LSAMP: variants seen among roughly 807,000 people sequenced by gnomAD.
LSAMP encodes the protein limbic system associated membrane protein.
Under a neutral mutation model 38.6 loss-of-function variants are expected in LSAMP, and 7 were observed. That is an observed-to-expected ratio of 0.18 (90% CI 0.10 to 0.34). The LOEUF (loss-of-function observed/expected upper bound fraction) is 0.34, where lower values mean the gene tolerates loss of function less well. Among genes scored for constraint, LSAMP ranks in the 10% least tolerant of loss-of-function variants. The pLI is 1.00. For missense variants in LSAMP, 313 were observed against 420.0 expected (o/e 0.75, Z 2.23); for synonymous variants, 154 against 166.8 (o/e 0.92, Z 0.59).
At chr3:115,901,512 C>T (rs1936873499) in intron 3 of LSAMP, among the ~76,000 whole-genome samples, 1 of 152,104 alleles carries the variant, frequency 6.6e-6, no homozygotes, top group African/African-American at 2.4e-5. Flanking sequence ...TGTCAAAACC[C>T]AACTTTTTGT....
At chr3:116,112,889 A>G (rs1279961091) in intron 1 of LSAMP, among the ~76,000 whole-genome samples, 3 of 152,198 alleles carry the variant, frequency 2.0e-5, no homozygotes. Context: ...TAATCCCTGA[A>G]AATTCTGTGG....
chr3:116,412,853 A>C (rs2048998163), intron 1 of LSAMP, among the ~76,000 whole-genome samples: 1 of 152,112 alleles, frequency 6.6e-6, no homozygotes, highest in African/African-American at 2.4e-5. Flanking sequence ...AGTATTGGAA[A>C]GAAAGCAGAC....
rs369368425 is a variant in LSAMP at position 116,006,256 on chromosome 3, TC to T, written c.514+13258del. Among the ~76,000 whole-genome samples the T allele has an allele frequency of 4.5e-4, 69 of 152,172 alleles. No homozygotes were observed. In the South Asian group the frequency reaches 4.6e-3, roughly 10 times the overall value. ...TAAGAGGGGACACCAGAGAGTTTGCTCACTGTCTCCACACACACGCAGAAGT... is the reference window on the plus strand; with the variant it reads ...TAAGAGGGGACACCAGAGAGTTTGCTACTGTCTCCACACACACGCAGAAGT... On this transcript the variant is annotated intron_variant, in intron 3 of 6. Coordinates refer to ENST00000490035, the MANE Select transcript of LSAMP (RefSeq NM_002338.5).
At chr3:116,133,518 G>T (rs1709181046) in intron 1 of LSAMP, among the ~76,000 whole-genome samples, 1 of 151,884 alleles carries the variant, frequency 6.6e-6, no homozygotes, top group African/African-American at 2.4e-5. Context: ...TCCCTATGTT[G>T]CCTAGGCTGG....
chr3:116,381,972 G>A (rs919119274), intron 1 of LSAMP, among the ~76,000 whole-genome samples: 1 of 152,050 alleles, frequency 6.6e-6, no homozygotes, highest in Non-Finnish European at 1.5e-5. Context: ...CAAAAAAATA[G>A]TTTTTATATT....
At chr3:116,124,844 T>C (rs879925410) in intron 1 of LSAMP, among the ~76,000 whole-genome samples, 2 of 152,188 alleles carry the variant, frequency 1.3e-5, no homozygotes, top group Non-Finnish European at 2.9e-5. Context: ...ATAAGAAATA[T>C]TCATTTTACA....
intron 3 of LSAMP, among the ~76,000 whole-genome samples, chr3:115,908,486 T>C (rs1353480166): frequency 1.3e-5 from 2 of 152,150 alleles, no homozygotes; most frequent in African/African-American, 2.4e-5. Flanking sequence ...CCTACCTTGG[T>C]ATTCAGCAAA....
chr3:115,868,979 C>A (rs906717748), intron 3 of LSAMP, among the ~76,000 whole-genome samples: 16 of 151,810 alleles, frequency 1.1e-4, no homozygotes, highest in Admixed American at 8.5e-4. Flanking sequence ...GGAAAAAAAA[C>A]CCATATTTTA....
intron 1 of LSAMP, among the ~76,000 whole-genome samples, chr3:116,118,893 G>C (rs184779324): frequency 6.6e-6 from 1 of 152,178 alleles, no homozygotes. Context: ...TCATCCATGT[G>C]ATCATGCAGA....
intron 1 of LSAMP, among the ~76,000 whole-genome samples, chr3:116,221,010 C>T (rs984493495): frequency 1.3e-5 from 2 of 151,630 alleles, no homozygotes; most frequent in Non-Finnish European, 2.9e-5. Context: ...AAAATTAGCC[C>T]GGCGTGGTGG....
chr3:115,991,789 A>G (rs574656535), intron 3 of LSAMP, among the ~76,000 whole-genome samples: 64 of 151,502 alleles, frequency 4.2e-4, no homozygotes, highest in African/African-American at 1.5e-3. Context: ...GGCTGTTACT[A>G]TGAAAGCAAT....
chr3:116,240,170 T>C (rs1238530494), intron 1 of LSAMP, among the ~76,000 whole-genome samples: 1 of 152,238 alleles, frequency 6.6e-6, no homozygotes, highest in Admixed American at 6.5e-5. Context: ...ATAAGTATCC[T>C]TGAAGCCTTC....
At chr3:115,836,501 C>T (rs147020709) in intron 6 of LSAMP, among the ~76,000 whole-genome samples, 1 of 152,326 alleles carries the variant, frequency 6.6e-6, no homozygotes, top group East Asian at 1.9e-4. Context: ...CCTTTGGCAG[C>T]TGCTACTTGA....
chr3:115,851,176 G>A (rs1935319895), intron 4 of LSAMP, among the ~76,000 whole-genome samples: 1 of 152,116 alleles, frequency 6.6e-6, no homozygotes, highest in African/African-American at 2.4e-5. Context: ...GTATCATCAT[G>A]TTGGCCAGGC....
chr3:116,405,531 A>G (rs1017617360), intron 1 of LSAMP, among the ~76,000 whole-genome samples: 8 of 152,106 alleles, frequency 5.3e-5, no homozygotes, highest in Admixed American at 1.3e-4. Context: ...ATAAATAGTT[A>G]AAGAGGAGAT....
chr3:116,408,988 A>G (rs1278146748), intron 1 of LSAMP, among the ~76,000 whole-genome samples: 2 of 152,016 alleles, frequency 1.3e-5, no homozygotes, highest in Non-Finnish European at 2.9e-5. Flanking sequence ...AGAAACAGAA[A>G]AAGTGATTTG....
chr3:116,230,271 A>C (rs2046388901), intron 1 of LSAMP, among the ~76,000 whole-genome samples: 1 of 151,866 alleles, frequency 6.6e-6, no homozygotes, highest in Non-Finnish European at 1.5e-5. Context: ...AAATTTTCTG[A>C]TCTCAGAAAT....
intron 1 of LSAMP, among the ~76,000 whole-genome samples, chr3:116,091,063 C>T (rs1708111819): frequency 6.6e-6 from 1 of 152,192 alleles, no homozygotes; most frequent in Non-Finnish European, 1.5e-5. Context: ...CTCACCTCTG[C>T]AATCTCGACC....
chr3:116,406,877 G>A (rs1393324244), intron 1 of LSAMP, among the ~76,000 whole-genome samples: 1 of 151,812 alleles, frequency 6.6e-6, no homozygotes, highest in Non-Finnish European at 1.5e-5. Flanking sequence ...AGGAAGAGGA[G>A]GCCTAGAAAG....
Sources: gnomAD v4.1 joint callset for allele counts (sites outside exome capture counted in the v4.1 genomes callset) on GRCh38, gnomAD v4.1.1 for gene constraint, MANE v1.5 for transcripts, NCBI Gene and HGNC (gene_info 2026-07-23, HGNC 2026-07-21) for gene names.